The following MYO1H variants were observed in gnomAD, a reference collection of about 807,000 sequenced individuals.
MYO1H encodes the protein unconventional myosin-Ih.
MYO1H carries 118 observed loss-of-function variants against 149.3 expected under a neutral mutation model. That is an observed-to-expected ratio of 0.79 (90% CI 0.68 to 0.92). The LOEUF (loss-of-function observed/expected upper bound fraction) is 0.92. Among genes scored for constraint, MYO1H ranks in the 40% least tolerant of loss-of-function variants. MYO1H has a pLI of 0.00. For synonymous variants in MYO1H, 447 were observed against 465.2 expected (o/e 0.96, Z 0.50); for missense variants, 1,212 against 1,280.7 (o/e 0.95, Z 0.82).
chr12:109,314,028 G>A, the MYO1H span, among the ~76,000 whole-genome samples: 7 of 151,916 alleles, frequency 4.6e-5, no homozygotes, highest in African/African-American at 1.5e-4. Context: ...GGGATTACAG[G>A]CGCGCACCAC....
chr12:109,378,837 T>C (rs550560252), intron 1 of MYO1H, among the ~76,000 whole-genome samples: 1 of 152,272 alleles, frequency 6.6e-6, no homozygotes, highest in African/African-American at 2.4e-5. Flanking sequence ...TATCTCATTG[T>C]GGTTTTGAGT....
chr12:109,331,854 T>C, the MYO1H span, among the ~76,000 whole-genome samples: 5 of 152,246 alleles, frequency 3.3e-5, no homozygotes, highest in Non-Finnish European at 7.3e-5. Context: ...GCAATTCTGC[T>C]GTGTGTATAC....
At chr12:109,412,784 G>GGTTTT (rs1213559932) in intron 14 of MYO1H, among the ~76,000 whole-genome samples, 43 of 151,412 alleles carry the variant, frequency 2.8e-4, no homozygotes, top group South Asian at 6.3e-4. Context: ...TTTGTTTTTT[G>GGTTTT]GTTTTGTTTT....
At chr12:109,406,467 TAAAAAAAAAAAAAA>T (rs56744077) in intron 8 of MYO1H, among the ~76,000 whole-genome samples, 13 of 43,606 alleles carry the variant, frequency 3.0e-4, no homozygotes, top group East Asian at 8.0e-4. Context: ...CCCTATCTCT[TAAAAAAAAAAAAAA>T]AAAAAAAAAA....
the MYO1H span, among the ~76,000 whole-genome samples, chr12:109,313,843 T>C: frequency 4.7e-4 from 72 of 152,298 alleles, no homozygotes; most frequent in Admixed American, 3.3e-3. Context: ...TTAGTCAATA[T>C]GTCCAGGCAT....
chr12:109,441,341 C>G (rs1233636028), intron 25 of MYO1H, among the ~76,000 whole-genome samples: 1 of 152,146 alleles, frequency 6.6e-6, no homozygotes, highest in South Asian at 2.1e-4. Flanking sequence ...GTTTCCCAAT[C>G]CCTGATCTAC....
the MYO1H span, among the ~76,000 whole-genome samples, chr12:109,327,299 T>C: frequency 2.6e-5 from 4 of 151,036 alleles, no homozygotes; most frequent in East Asian, 7.9e-4. Flanking sequence ...GCCTGGCTAA[T>C]TTTTTTTGTA....
intron 12 of MYO1H, among the ~76,000 whole-genome samples, chr12:109,410,311 G>A (rs1870612084): frequency 6.6e-6 from 1 of 151,608 alleles, no homozygotes; most frequent in Non-Finnish European, 1.5e-5. Context: ...CTGGCTAATT[G>A]TTTTACTTTT....
chr12:109,310,489 C>T, the MYO1H span, among the ~76,000 whole-genome samples: 1 of 152,202 alleles, frequency 6.6e-6, no homozygotes, highest in African/African-American at 2.4e-5. Context: ...TGCACGTGGA[C>T]CTCTGCGCCG....
intron 19 of MYO1H, among the ~76,000 whole-genome samples, chr12:109,429,492 G>T (rs1476661448): frequency 6.6e-6 from 1 of 152,266 alleles, no homozygotes; most frequent in East Asian, 1.9e-4. Flanking sequence ...ATCTATTTAT[G>T]TAGTATTTAC....
intron 1 of MYO1H, among the ~76,000 whole-genome samples, chr12:109,385,465 A>G (rs79851615): frequency 0.033 from 5,022 of 151,918 alleles, 119 homozygotes; most frequent in Middle Eastern, 0.065. Flanking sequence ...GCTAGTTTTC[A>G]TATTTTTAGT....
intron 27 of MYO1H, 26 bp from the exon 28 acceptor site, chr12:109,443,488 C>T (rs934036766): frequency 6.2e-7 from 1 of 1,609,212 alleles, no homozygotes; most frequent in Non-Finnish European, 8.5e-7. Context: ...CCCACCTTCC[C>T]TGGTGAAGTC....
At chr12:109,443,194 A>ATGTGTGTG (rs1320129107) in intron 27 of MYO1H, among the ~76,000 whole-genome samples, 1 of 110,076 alleles carries the variant, frequency 9.1e-6, no homozygotes, top group African/African-American at 5.2e-5. Flanking sequence ...ATGTGTACGT[A>ATGTGTGTG]TATGTGTGTA....
At chr12:109,434,967 G>C in intron 20 of MYO1H, 70 bp from the exon 21 acceptor site, 2 of 863,176 alleles carry the variant, frequency 2.3e-6, no homozygotes, top group Non-Finnish European at 3.7e-6. Flanking sequence ...ATTTTTGAAG[G>C]GGGCACCGTT....
Position 109,401,887 on chromosome 12 carries a change from G to A in MYO1H, c.750+615G>A, listed in dbSNP as rs116102854. On this transcript the variant is annotated intron_variant, in intron 6 of 31. Coordinates refer to ENST00000310903, the Ensembl canonical transcript of MYO1H. ...CCCAAGTAGCTAGGACTACAGGCGC[G>A]AGGTACCATGCCTCGCTAATTTTTG... Among the ~76,000 whole-genome samples, 1,442 of 152,032 alleles carry A rather than the reference G, an allele frequency of 9.5e-3. 20 individuals carry two copies. Among genetic ancestry groups the A allele is most frequent in the African/African-American group, 0.033 (1,352 of 41,504 alleles).
chr12:109,372,890 A>G (rs991184678), intron 1 of MYO1H, among the ~76,000 whole-genome samples: 4 of 152,114 alleles, frequency 2.6e-5, no homozygotes, highest in African/African-American at 9.6e-5. Context: ...ATCCAAGAAC[A>G]TAGTATATCT....
chr12:109,426,502 G>A (rs1299090381), intron 18 of MYO1H, among the ~76,000 whole-genome samples: 1 of 151,976 alleles, frequency 6.6e-6, no homozygotes, highest in Non-Finnish European at 1.5e-5. Flanking sequence ...CTCCAGTATG[G>A]GTGACAGAGT....
At chr12:109,325,928 G>A in the MYO1H span, among the ~76,000 whole-genome samples, 1 of 152,196 alleles carries the variant, frequency 6.6e-6, no homozygotes, top group Non-Finnish European at 1.5e-5. Flanking sequence ...AACCAATGTT[G>A]GCAAGGCTGT....
chr12:109,410,829 C>G, intron 13 of MYO1H, 61 bp downstream of exon 13: 1 of 1,181,588 alleles, frequency 8.5e-7, no homozygotes, highest in South Asian at 1.3e-5. Context: ...CTTGGAAGAA[C>G]TTTTTCCCAG....
Sources: allele counts gnomAD v4.1 joint callset (sites outside exome capture counted in the v4.1 genomes callset), GRCh38; gene constraint gnomAD v4.1.1; transcripts MANE v1.5; gene names NCBI Gene and HGNC (gene_info 2026-07-23, HGNC 2026-07-21).